GABRR2: variants seen among roughly 807,000 people sequenced by gnomAD.
The protein encoded by GABRR2 is gamma-aminobutyric acid receptor subunit rho-2.
Under a neutral mutation model 47.0 loss-of-function variants are expected in GABRR2, and 36 were observed. The observed-to-expected ratio is 0.77, with a 90% CI of 0.59 to 1.01. The LOEUF is 1.01. GABRR2 is among the 50% of genes least tolerant of loss of function. The probability of loss-of-function intolerance (pLI) is 0.00; values close to 1 mark genes in which losing one functional copy is unlikely to be tolerated. For synonymous variants in GABRR2, 204 were observed against 227.5 expected (o/e 0.90, Z 0.93); for missense variants, 587 against 594.6 (o/e 0.99, Z 0.13).
At chr6:89,307,731 T>A (rs1767593776) in intron 1 of GABRR2, among the ~76,000 whole-genome samples, 1 of 152,116 alleles carries the variant, frequency 6.6e-6, no homozygotes, top group Non-Finnish European at 1.5e-5. Flanking sequence ...TTTTTAGAAA[T>A]CAATGGAGAT....
intron 7 of GABRR2, 28 bp downstream of exon 7, chr6:89,265,585 C>T: frequency 6.3e-7 from 1 of 1,580,494 alleles, no homozygotes; most frequent in Non-Finnish European, 8.6e-7. Context: ...AAATAACCAC[C>T]CTACCACACC....
chr6:89,309,934 G>A (rs926165050), intron 1 of GABRR2, among the ~76,000 whole-genome samples: 36 of 149,082 alleles, frequency 2.4e-4, no homozygotes, highest in Non-Finnish European at 3.1e-4. Flanking sequence ...ACATGCCACC[G>A]TGCCTGGCTA....
rs752470738 is a variant in GABRR2 at position 89,299,756 on chromosome 6, T to C, written c.220+3A>G. 2.1e-5 allele frequency: 33 copies of C among 1,608,946 alleles called. 1 individual carries two copies. In the African/African-American group the frequency reaches 3.1e-4, roughly 15 times the overall value. ...ACCTGGCATCAAGGAAGAACAGTCC[T>C]ACCTCCGAAGGCGGGTCTCATGCTG... On this transcript the variant is annotated splice_donor_region_variant and intron_variant, in intron 2 of 8. Coordinates refer to ENST00000402938, the MANE Select transcript of GABRR2 (RefSeq NM_002043.5).
chr6:89,283,515 C>G (rs1334013690), intron 2 of GABRR2, among the ~76,000 whole-genome samples: 1 of 151,880 alleles, frequency 6.6e-6, no homozygotes, highest in Non-Finnish European at 1.5e-5. Flanking sequence ...TAAAAAAAAC[C>G]AATGTACAGA....
In GABRR2 at chr6:89,286,703, C is replaced by T. The variant is rs577683926; in HGVS notation, c.220+13056G>A. ...ACAGATGGGGTCCTTAAGTACCAGG[C>T]AAAGGAATGAGACTGCCACGAGGGT... On this transcript the variant is annotated intron_variant, in intron 2 of 8. Coordinates refer to ENST00000402938, the MANE Select transcript of GABRR2 (RefSeq NM_002043.5). Among the ~76,000 whole-genome samples the T allele has an allele frequency of 1.4e-3, 218 of 152,142 alleles. 1 individual carries two copies. Among genetic ancestry groups the T allele is most frequent in the African/African-American group, 5.1e-3 (213 of 41,518 alleles).
chr6:89,302,062 G>T, intron 1 of GABRR2: 1 of 648,370 alleles, frequency 1.5e-6, no homozygotes, highest in South Asian at 1.7e-5. Context: ...TCTTTGGTCA[G>T]AGTGGGGCCG....
rs1282171123 is a variant in GABRR2, at chr6:89,315,072, C to A, written c.94G>T (p.Val32Leu). ...CTTTACCTTGGCTTGGGCATTTCCA[C>A]CTGCCCTGTCCATCGCTTCCTCTTG... ...KPKRKRWTGQ[V>L]EMPKPSHLYK... Residue 32 changes from valine to leucine, a missense_variant, in exon 1 of 9, where the codon GTG becomes TTG. Val to Leu is a conservative substitution (Grantham distance 32, BLOSUM62 1). Coordinates refer to ENST00000402938, the MANE Select transcript of GABRR2 (RefSeq NM_002043.5). 1 of 1,613,678 alleles carries A rather than the reference C, an allele frequency of 6.2e-7. No individual in the cohort carries two copies. The highest frequency in any genetic ancestry group is 1.6e-4 in the Middle Eastern group (1 of 6,062).
chr6:89,275,766 G>C lies in GABRR2; in HGVS notation c.221-4044C>G, dbSNP rs1774147943. ...CAAGGGGCTGTGGGACAGGATTAGGGCCCAAGTGCTCATTTAGTGGAGCTT... is the reference window on the plus strand; with the variant it reads ...CAAGGGGCTGTGGGACAGGATTAGGCCCCAAGTGCTCATTTAGTGGAGCTT... On this transcript the variant is annotated intron_variant, in intron 2 of 8. Transcript: ENST00000402938. Among the ~76,000 whole-genome samples the C allele has an allele frequency of 2.0e-5, 3 of 152,294 alleles. No individual in the cohort carries two copies. In the South Asian group the frequency reaches 6.2e-4, roughly 32 times the overall value.
chr6:89,259,492 C>A (rs1267136890), intron 8 of GABRR2, among the ~76,000 whole-genome samples: 1 of 145,418 alleles, frequency 6.9e-6, no homozygotes, highest in Non-Finnish European at 1.5e-5. Flanking sequence ...AGTAACACTT[C>A]TTTTTTTTTG....
At chr6:89,273,951 T>C in intron 2 of GABRR2, among the ~76,000 whole-genome samples, 1 of 152,312 alleles carries the variant, frequency 6.6e-6, no homozygotes, top group East Asian at 1.9e-4. Context: ...GAAGAAACAA[T>C]ACAGCGATGG....
intron 2 of GABRR2, among the ~76,000 whole-genome samples, chr6:89,295,484 T>A (rs555031524): frequency 6.6e-6 from 1 of 152,246 alleles, no homozygotes; most frequent in Admixed American, 6.5e-5. Context: ...TTGATGGGAT[T>A]TTTTTTTAAT....
At chr6:89,261,050 A>T (rs1409393900) in intron 8 of GABRR2, among the ~76,000 whole-genome samples, 1 of 152,180 alleles carries the variant, frequency 6.6e-6, no homozygotes, top group African/African-American at 2.4e-5. Context: ...CCCTCTCCAT[A>T]GATGACTTCC....
intron 8 of GABRR2, among the ~76,000 whole-genome samples, chr6:89,260,484 T>G (rs886144618): frequency 6.6e-6 from 1 of 152,306 alleles, no homozygotes; most frequent in Middle Eastern, 3.4e-3. Context: ...GTCTGGCTAA[T>G]CAGCCAAAGT....
Position 89,256,952 on chromosome 6 carries a change from G to A in GABRR2, c.*718C>T, listed in dbSNP as rs1443563612. ...AACAGAATGGGTCTGTGGGGTAAGC[G>A]GGGTTGAAGGAGGGGAAAGAGCAGA... On this transcript the variant is annotated 3_prime_UTR_variant, in exon 9 of 9. Coordinates refer to ENST00000402938, the MANE Select transcript of GABRR2 (RefSeq NM_002043.5). 3.3e-5 allele frequency among the ~76,000 whole-genome samples: 5 copies of A among 152,158 alleles called. No individual in the cohort carries two copies. The highest frequency in any genetic ancestry group is 7.3e-5 in the Non-Finnish European group (5 of 68,030).
At chr6:89,310,093 C>T (rs1397345931) in intron 1 of GABRR2, among the ~76,000 whole-genome samples, 1 of 151,700 alleles carries the variant, frequency 6.6e-6, no homozygotes, top group Non-Finnish European at 1.5e-5. Flanking sequence ...TGGGTTTGGA[C>T]AAATGTATAA....
intron 1 of GABRR2, among the ~76,000 whole-genome samples, chr6:89,313,021 TC>T (rs1317437459): frequency 2.6e-5 from 4 of 152,072 alleles, no homozygotes; most frequent in Admixed American, 1.3e-4. Flanking sequence ...CTGAGTGGGG[TC>T]CCTGGGCACC....
chr6:89,310,884 C>T (rs911265079), intron 1 of GABRR2, among the ~76,000 whole-genome samples: 1 of 152,086 alleles, frequency 6.6e-6, no homozygotes, highest in African/African-American at 2.4e-5. Context: ...GAGTGTTAGG[C>T]AGATGGAAGA....
intron 2 of GABRR2, among the ~76,000 whole-genome samples, chr6:89,280,477 T>C (rs1774241392): frequency 6.6e-6 from 1 of 151,820 alleles, no homozygotes; most frequent in Non-Finnish European, 1.5e-5. Flanking sequence ...TCACTGAGGG[T>C]CACACTCTGC....
chr6:89,289,580 A>C (rs779152527), intron 2 of GABRR2, among the ~76,000 whole-genome samples: 64 of 152,186 alleles, frequency 4.2e-4, no homozygotes, highest in Non-Finnish European at 7.1e-4. Flanking sequence ...GATCATGTGG[A>C]GAACATGGGT....
Sources: allele counts gnomAD v4.1 joint callset (sites outside exome capture counted in the v4.1 genomes callset), GRCh38; gene constraint gnomAD v4.1.1; transcripts MANE v1.5; gene names NCBI Gene and HGNC (gene_info 2026-07-23, HGNC 2026-07-21).